The following RAD54L2 variants were observed in gnomAD, a reference collection of about 807,000 sequenced individuals.
RAD54L2 encodes the protein helicase ARIP4.
In RAD54L2, 27 loss-of-function variants were observed where a neutral mutation model predicts 138.4. The observed-to-expected ratio is 0.20, with a 90% CI of 0.14 to 0.27. The LOEUF (loss-of-function observed/expected upper bound fraction) is 0.27, where lower values mean the gene tolerates loss of function less well. Among genes scored for constraint, RAD54L2 ranks in the 10% least tolerant of loss-of-function variants. The pLI, the probability that RAD54L2 is intolerant of heterozygous loss-of-function variation, is 1.00. For missense variants in RAD54L2, 1,396 were observed against 1,890.2 expected, an observed-to-expected ratio of 0.74 and a Z score of 4.85; for synonymous variants, 644 against 723.2, an observed-to-expected ratio of 0.89 and a Z score of 1.76.
intron 1 of RAD54L2, among the ~76,000 whole-genome samples, chr3:51,540,278 ATCTTC>A (rs553887232): frequency 5.4e-4 from 82 of 152,238 alleles, no homozygotes; most frequent in Non-Finnish European, 1.0e-4. Flanking sequence ...ATGAAATTTC[ATCTTC>A]TCTTACTGCC....
At chr3:51,601,719 C>T (rs764061413) in intron 3 of RAD54L2, among the ~76,000 whole-genome samples, 2 of 152,004 alleles carry the variant, frequency 1.3e-5, no homozygotes, top group African/African-American at 2.4e-5. Context: ...GCTAGGATTA[C>T]AGGCATTTGC....
At chr3:51,596,615 G>C (rs1478180296) in intron 3 of RAD54L2, among the ~76,000 whole-genome samples, 1 of 152,166 alleles carries the variant, frequency 6.6e-6, no homozygotes, top group East Asian at 1.9e-4. Context: ...TTAATAATGA[G>C]ATTCCCCTTC....
chr3:51,540,621 T>C (rs1381259761), intron 1 of RAD54L2, among the ~76,000 whole-genome samples: 12 of 152,210 alleles, frequency 7.9e-5, no homozygotes, highest in Admixed American at 5.9e-4. Flanking sequence ...GTAGGAAATA[T>C]AGCCTAACTG....
At position 51,638,632 on chromosome 3, in the gene RAD54L2, A is replaced by T. The variant is rs760984742; in HGVS notation, c.1860+311A>T. On this transcript the variant is annotated intron_variant, in intron 12 of 22. Coordinates refer to ENST00000684192, the MANE Select transcript of RAD54L2 (RefSeq NM_015106.4). The surrounding 1 kb of genome is among the most constrained non-coding windows in gnomAD (Gnocchi z 4.3). ...TGGGGCAGCGTTTTTGACTGCTAGCATAATCAGAATTCAAGAGATATATAG... is the reference window on the plus strand; with the variant it reads ...TGGGGCAGCGTTTTTGACTGCTAGCTTAATCAGAATTCAAGAGATATATAG... 1 of 275,964 alleles carries T rather than the reference A, an allele frequency of 3.6e-6. No individual in the cohort carries two copies. Among genetic ancestry groups the T allele is most frequent in the African/African-American group, 2.2e-5 (1 of 46,402 alleles). The allele number at this position is 275,964 out of a possible 1,614,324, so 17.1% of individuals were successfully genotyped here. A position where few individuals can be genotyped will look rare whatever the true frequency, so the allele number is the denominator to read the frequency against.
intron 4 of RAD54L2, among the ~76,000 whole-genome samples, chr3:51,628,899 A>G (rs2106793748): frequency 6.6e-6 from 1 of 152,044 alleles, no homozygotes; most frequent in African/African-American, 2.4e-5. Flanking sequence ...TATTTTTAGT[A>G]GAGACGGGGT....
At chr3:51,582,766 C>CTTTTTTTTTTTTT (rs61245532) in intron 2 of RAD54L2, among the ~76,000 whole-genome samples, 1 of 147,236 alleles carries the variant, frequency 6.8e-6, no homozygotes. Flanking sequence ...CCAGGGAAGT[C>CTTTTTTTTTTTTT]TTTTTTTTTT....
intron 2 of RAD54L2, among the ~76,000 whole-genome samples, chr3:51,583,497 A>G (rs1049724012): frequency 6.7e-5 from 10 of 149,546 alleles, no homozygotes; most frequent in African/African-American, 2.5e-4. Context: ...TTGGCTCACC[A>G]CAACCTCCAC....
At chr3:51,552,905 T>C (rs1056928598) in intron 2 of RAD54L2, among the ~76,000 whole-genome samples, 7 of 152,196 alleles carry the variant, frequency 4.6e-5, no homozygotes, top group Non-Finnish European at 1.0e-4. Context: ...CCTAGGTAAC[T>C]AATTTTTATT....
intron 2 of RAD54L2, among the ~76,000 whole-genome samples, chr3:51,566,293 G>T (rs1472603261): frequency 6.6e-6 from 1 of 151,990 alleles, no homozygotes; most frequent in East Asian, 1.9e-4. Flanking sequence ...CTGACTGACA[G>T]CATGCAACCT....
At chr3:51,610,371 A>T (rs1002262581) in intron 3 of RAD54L2, among the ~76,000 whole-genome samples, 3 of 152,114 alleles carry the variant, frequency 2.0e-5, no homozygotes, top group African/African-American at 7.2e-5. Context: ...TGGGAGGCCG[A>T]GATGGGCGGA....
chr3:51,614,703 A>G (rs1167843491), intron 3 of RAD54L2, among the ~76,000 whole-genome samples: 1 of 152,070 alleles, frequency 6.6e-6, no homozygotes, highest in Non-Finnish European at 1.5e-5. Flanking sequence ...AGTAGAGACA[A>G]GGTATCATTG....
chr3:51,583,053 CCA>C, intron 2 of RAD54L2, among the ~76,000 whole-genome samples: 1 of 152,314 alleles, frequency 6.6e-6, no homozygotes, highest in Admixed American at 6.5e-5. Flanking sequence ...GCATGAGCCA[CCA>C]TGCCCGGCCA....
At chr3:51,544,754 G>A (rs1049576029) in intron 2 of RAD54L2, among the ~76,000 whole-genome samples, 6 of 152,072 alleles carry the variant, frequency 3.9e-5, no homozygotes, top group East Asian at 1.9e-4. Flanking sequence ...CTATAGGTGC[G>A]CCACCATGCC....
chr3:51,613,806 A>G (rs2106764790), intron 3 of RAD54L2, among the ~76,000 whole-genome samples: 1 of 151,974 alleles, frequency 6.6e-6, no homozygotes, highest in East Asian at 1.9e-4. Context: ...GTGTTTAAGA[A>G]TGATTGTTTT....
chr3:51,568,945 C>T (rs1699276234), intron 2 of RAD54L2, among the ~76,000 whole-genome samples: 1 of 152,060 alleles, frequency 6.6e-6, no homozygotes, highest in Admixed American at 6.6e-5. Context: ...GAGTGCAAAG[C>T]TTGAGGATGG....
At chr3:51,596,732 C>T (rs987594436) in intron 3 of RAD54L2, among the ~76,000 whole-genome samples, 5 of 152,174 alleles carry the variant, frequency 3.3e-5, no homozygotes, top group African/African-American at 1.2e-4. Context: ...TACTTTATTA[C>T]CTGTGCTGGG....
Position 51,638,294 on chromosome 3 carries a change from C to T in RAD54L2, c.1833C>T (p.Pro611=), listed in dbSNP as rs749354335. ...CGSSGWLGLN[P]LKAFCVCCKI... is the part of the protein sequence containing the mutation. The stretch of plus-strand genomic sequence containing the variant: ...GCAGCGGTTGGCTGGGGCTGAACCC[C>T]CTTAAGGCATTCTGTGTGTGTTGCA... The change falls in exon 12 of 23, where the codon CCC becomes CCT. Residue 611 remains proline, a synonymous_variant. Coordinates refer to ENST00000684192, the MANE Select transcript of RAD54L2 (RefSeq NM_015106.4). The surrounding 1 kb of genome is among the most constrained non-coding windows in gnomAD (Gnocchi z 4.3). The T allele has an allele frequency of 6.2e-7, 1 of 1,613,820 alleles. No homozygotes were observed. Among genetic ancestry groups the T allele is most frequent in the African/African-American group, 1.3e-5 (1 of 74,902 alleles).
chr3:51,540,990 G>A (rs1295397542), intron 1 of RAD54L2, among the ~76,000 whole-genome samples: 4 of 142,094 alleles, frequency 2.8e-5, no homozygotes, highest in Non-Finnish European at 4.5e-5. Context: ...ACAATGAGCC[G>A]AGATCGTGCC....
intron 22 of RAD54L2, among the ~76,000 whole-genome samples, chr3:51,660,601 G>T (rs538902423): frequency 7.2e-6 from 1 of 138,582 alleles, no homozygotes; most frequent in Admixed American, 7.4e-5. Flanking sequence ...ATGAGCCACC[G>T]CGCCCAGCCT....
Sources: gnomAD v4.1 joint callset for allele counts (sites outside exome capture counted in the v4.1 genomes callset) on GRCh38, gnomAD v4.1.1 for gene constraint, Gnocchi (gnomAD v3.1) non-coding constraint, MANE v1.5 for transcripts, NCBI Gene and HGNC (gene_info 2026-07-23, HGNC 2026-07-21) for gene names.